The following EEF2K variants were observed in gnomAD, a reference collection of about 807,000 sequenced individuals.
The protein encoded by EEF2K is alternative protein EEF2K.
A neutral mutation model predicts 93.8 loss-of-function variants in EEF2K; 70 were observed. The ratio of observed to expected loss-of-function variants is 0.75; its 90% CI spans 0.62 to 0.91. The LOEUF is 0.91. Ranked by LOEUF, EEF2K falls within the 40% of genes least tolerant of loss-of-function variation. The pLI is 0.00. For missense variants in EEF2K, 935 were observed against 972.9 expected (o/e 0.96, Z 0.52); for synonymous variants, 376 against 380.8 (o/e 0.99, Z 0.15).
At chr16:22,235,145 CAG>C (rs2047155655) in intron 2 of EEF2K, among the ~76,000 whole-genome samples, 1 of 150,912 alleles carries the variant, frequency 6.6e-6, no homozygotes, top group South Asian at 2.1e-4. Flanking sequence ...ACCTGGGAGG[CAG>C]AGATTGCAGT....
At chr16:22,254,686 A>G (rs1286307975) in intron 6 of EEF2K, among the ~76,000 whole-genome samples, 1 of 152,202 alleles carries the variant, frequency 6.6e-6, no homozygotes, top group African/African-American at 2.4e-5. Flanking sequence ...TCGGCAAGGA[A>G]TGTCAAAGTT....
chr16:22,246,471 G>A (rs1214229520), intron 3 of EEF2K, among the ~76,000 whole-genome samples: 1 of 141,710 alleles, frequency 7.1e-6, no homozygotes, highest in Non-Finnish European at 1.5e-5. Flanking sequence ...AGCTGAGATC[G>A]TGCCACTACA....
At chr16:22,270,447 G>A (rs2141683061) in intron 15 of EEF2K, among the ~76,000 whole-genome samples, 1 of 152,086 alleles carries the variant, frequency 6.6e-6, no homozygotes, top group East Asian at 1.9e-4. Flanking sequence ...GTTTAGTGCA[G>A]ATGGGGTTTC....
chr16:22,220,185 C>G (rs200575518), intron 1 of EEF2K, among the ~76,000 whole-genome samples: 1 of 152,192 alleles, frequency 6.6e-6, no homozygotes, highest in Non-Finnish European at 1.5e-5. Flanking sequence ...TATGACAACT[C>G]AAAAGCCATA....
At chr16:22,276,537 G>T (rs983473968) in intron 16 of EEF2K, among the ~76,000 whole-genome samples, 18 of 152,076 alleles carry the variant, frequency 1.2e-4, no homozygotes, top group African/African-American at 3.1e-4. Context: ...TGCGTTTAAG[G>T]GATTCAGGCC....
rs143443395 is a variant in EEF2K, at chr16:22,280,251, C to T, written c.1943C>T (p.Thr648Met). 9.6e-5 allele frequency: 153 copies of T among 1,600,926 alleles called. No individual in the cohort carries two copies. The African/African-American group carries it at 1.3e-3, about 13-fold the overall frequency. ...TGGTACAACACTGCCCTGGAGATGACGGACTGTGATGAGGGCGGTGAGTAC... is the reference window on the plus strand; with the variant it reads ...TGGTACAACACTGCCCTGGAGATGATGGACTGTGATGAGGGCGGTGAGTAC... ...LHWYNTALEMTDCDEGGEYDG... is the reference protein window; with the variant it reads ...LHWYNTALEMMDCDEGGEYDG... The change falls in exon 17 of 18, where the codon ACG becomes ATG. Residue 648 changes from threonine to methionine, a missense_variant. Physicochemically the swap from Thr to Met is moderately conservative, Grantham distance 81. Coordinates refer to ENST00000263026, the MANE Select transcript of EEF2K (RefSeq NM_013302.5).
chr16:22,209,265 C>G (rs553313094), intron 1 of EEF2K, among the ~76,000 whole-genome samples: 1 of 152,234 alleles, frequency 6.6e-6, no homozygotes, highest in South Asian at 2.1e-4. Context: ...CTCCTGACCT[C>G]AAGTGATCCA....
In EEF2K at chr16:22,225,722, C is replaced by G; in HGVS notation, c.-8C>G. 6.2e-7 allele frequency: 1 copy of G among 1,613,548 alleles called. No homozygotes were observed. Among genetic ancestry groups the G allele is most frequent in the Non-Finnish European group, 8.5e-7 (1 of 1,179,750 alleles). On this transcript the variant is annotated 5_prime_UTR_variant, in exon 2 of 18. Transcript: ENST00000263026. ...ATACTGCTTGGGTAAAACGGGCACC[C>G]CAGGAACATGGCAGACGAAGATCTC... is the stretch of plus-strand genomic sequence containing the variant.
At chr16:22,222,239 G>A (rs2047020714) in intron 1 of EEF2K, among the ~76,000 whole-genome samples, 1 of 151,716 alleles carries the variant, frequency 6.6e-6, no homozygotes, top group African/African-American at 2.4e-5. Context: ...TATTGCCCAG[G>A]CTGGAGTGTT....
At position 22,263,151 on chromosome 16, in the gene EEF2K, G is replaced by A. The variant is rs750252272; in HGVS notation, c.1341G>A (p.Lys447=). The A allele has an allele frequency of 1.2e-6, 2 of 1,612,976 alleles. No individual in the cohort carries two copies. The highest frequency in any genetic ancestry group is 3.3e-5 in the Admixed American group (2 of 59,906). Residue 447 remains lysine (K), a synonymous_variant, in exon 12 of 18, where the codon AAG becomes AAA. Transcript: ENST00000263026. ...GGGACAGCGGATACCCCAGTGAGAA[G>A]CGGGGTGAGCTGGATGACCCTGAGC... The part of the protein sequence containing the change: ...NSGDSGYPSE[K]RGELDDPEPR...
intron 2 of EEF2K, among the ~76,000 whole-genome samples, chr16:22,240,669 G>A (rs1325607576): frequency 6.6e-6 from 1 of 152,168 alleles, no homozygotes; most frequent in South Asian, 2.1e-4. Context: ...CAGCCAGTCT[G>A]CACATATGAC....
chr16:22,215,495 G>C (rs1192296882), intron 1 of EEF2K, among the ~76,000 whole-genome samples: 1 of 152,138 alleles, frequency 6.6e-6, no homozygotes, highest in South Asian at 2.1e-4. Context: ...TCATTCTGAT[G>C]TACTATTTCT....
chr16:22,283,823 G>A (rs1438098531), intron 17 of EEF2K, 64 bp from the exon 18 acceptor site: 4 of 1,471,676 alleles, frequency 2.7e-6, no homozygotes, highest in Middle Eastern at 2.0e-4. Flanking sequence ...GGTGATGGGG[G>A]ACACTGGGCT....
chr16:22,229,345 C>T (rs756067570), intron 2 of EEF2K, among the ~76,000 whole-genome samples: 38 of 152,284 alleles, frequency 2.5e-4, no homozygotes, highest in Admixed American at 5.2e-4. Context: ...AGTTGGACAT[C>T]CTTCTCTGGA....
chr16:22,251,278 A>G lies in EEF2K; in HGVS notation c.574A>G (p.Lys192Glu). 2 of 1,614,178 alleles carry G rather than the reference A, an allele frequency of 1.2e-6. No homozygotes were observed. Among genetic ancestry groups the G allele is most frequent in the Non-Finnish European group, 1.7e-6 (2 of 1,180,028 alleles). The change falls in exon 6 of 18, where the codon AAG becomes GAG. Residue 192 changes from lysine to glutamate, a missense_variant. Transcript: ENST00000263026. ...FEDVRLQMEA[K>E]LWGEEYNRHK... is the part of the protein sequence containing the mutation. The stretch of plus-strand genomic sequence containing the variant: ...GGACGTGCGTCTACAGATGGAGGCC[A>G]AGCTCTGGGGGGAGGAGTATAATCG...
At chr16:22,243,047 G>A (rs2047240259) in intron 2 of EEF2K, among the ~76,000 whole-genome samples, 1 of 151,676 alleles carries the variant, frequency 6.6e-6, no homozygotes, top group South Asian at 2.1e-4. Context: ...TGGGGACAGG[G>A]TGAGACCCCG....
At chr16:22,244,527 G>A in intron 2 of EEF2K, 103 bp from the exon 3 acceptor site, 1 of 1,090,976 alleles carries the variant, frequency 9.2e-7, no homozygotes, top group Non-Finnish European at 1.4e-6. Flanking sequence ...TCCTGATACT[G>A]TCTGCCTCTC....
intron 1 of EEF2K, among the ~76,000 whole-genome samples, chr16:22,211,472 G>T (rs763780190): frequency 1.8e-4 from 27 of 152,060 alleles, no homozygotes; most frequent in Non-Finnish European, 3.2e-4. Flanking sequence ...GAGGTCTGGG[G>T]GCGGGGGGAT....
chr16:22,276,352 C>G (rs1263830661), intron 16 of EEF2K, among the ~76,000 whole-genome samples: 1 of 152,092 alleles, frequency 6.6e-6, no homozygotes, highest in Non-Finnish European at 1.5e-5. Flanking sequence ...TGGGGACACA[C>G]TGGTTTTTAA....
Sources: gnomAD v4.1 joint callset for allele counts (sites outside exome capture counted in the v4.1 genomes callset) on GRCh38, gnomAD v4.1.1 for gene constraint, MANE v1.5 for transcripts, NCBI Gene and HGNC (gene_info 2026-07-23, HGNC 2026-07-21) for gene names.